The following TANC2 variants were observed in gnomAD, a reference collection of about 807,000 sequenced individuals.
TANC2 encodes protein TANC2.
TANC2 carries 26 observed loss-of-function variants against 210.5 expected under a neutral mutation model. The observed-to-expected ratio is 0.12, with a 90% CI of 0.09 to 0.17. The LOEUF (loss-of-function observed/expected upper bound fraction) is 0.17. Among genes scored for constraint, TANC2 ranks in the 10% least tolerant of loss-of-function variants. TANC2 has a pLI of 1.00. For synonymous variants in TANC2, 931 were observed against 967.1 expected, an observed-to-expected ratio of 0.96 and a Z score of 0.69; for missense variants, 2,129 against 2,608.9, an observed-to-expected ratio of 0.82 and a Z score of 4.01.
chr17:63,353,050 C>T (rs958291850), intron 13 of TANC2, among the ~76,000 whole-genome samples: 43 of 152,154 alleles, frequency 2.8e-4, no homozygotes, highest in African/African-American at 9.4e-4. Context: ...AAAGGCCTCT[C>T]GTTTAAAAGT....
At chr17:63,159,024 A>G (rs1017018856) in intron 5 of TANC2, among the ~76,000 whole-genome samples, 9 of 152,332 alleles carry the variant, frequency 5.9e-5, no homozygotes, top group Middle Eastern at 3.4e-3. Context: ...GCAGCACACA[A>G]CATGGCACCT....
At chr17:63,130,251 G>A (rs1329858342) in intron 4 of TANC2, among the ~76,000 whole-genome samples, 1 of 152,166 alleles carries the variant, frequency 6.6e-6, no homozygotes, top group Non-Finnish European at 1.5e-5. Flanking sequence ...GCTCACACCT[G>A]TAATCCCAGC....
chr17:62,999,242 A>G (rs1033672657), intron 1 of TANC2, among the ~76,000 whole-genome samples: 17 of 152,270 alleles, frequency 1.1e-4, no homozygotes, highest in African/African-American at 4.1e-4. Context: ...TGGCCACTTC[A>G]TGTGGCTGCT....
chr17:63,419,926 A>T (rs1024973118), intron 27 of TANC2, 73 bp from the exon 28 acceptor site: 3 of 1,455,610 alleles, frequency 2.1e-6, no homozygotes, highest in Non-Finnish European at 2.7e-6. Flanking sequence ...GATAGTGACC[A>T]TGTTCTCAGC....
intron 3 of TANC2, among the ~76,000 whole-genome samples, chr17:63,093,163 TCA>T (rs1417613768): frequency 6.6e-6 from 1 of 152,116 alleles, no homozygotes; most frequent in Admixed American, 6.5e-5. Context: ...TGACCCAAGG[TCA>T]CACAGATTTT....
At chr17:63,311,090 C>G (rs1567904109) in intron 9 of TANC2, among the ~76,000 whole-genome samples, 1 of 152,100 alleles carries the variant, frequency 6.6e-6, no homozygotes, top group Non-Finnish European at 1.5e-5. Context: ...TCTGTTTTAT[C>G]TATAAAATGA....
chr17:63,203,022 C>G (rs543125456), intron 7 of TANC2, among the ~76,000 whole-genome samples: 45 of 152,222 alleles, frequency 3.0e-4, no homozygotes, highest in Admixed American at 1.0e-3. Flanking sequence ...AACTCCTCTA[C>G]CATTTGTACA....
At chr17:63,416,715 G>C (rs193094505) in intron 26 of TANC2, among the ~76,000 whole-genome samples, 3 of 152,340 alleles carry the variant, frequency 2.0e-5, no homozygotes, top group Admixed American at 2.0e-4. Flanking sequence ...ACACAGCCAT[G>C]ACCTTCAGAG....
intron 1 of TANC2, among the ~76,000 whole-genome samples, chr17:62,981,402 C>T (rs1598182945): frequency 1.3e-5 from 2 of 152,202 alleles, no homozygotes; most frequent in East Asian, 3.9e-4. Context: ...TGTAATTCTT[C>T]CTCTTTTCTC....
intron 26 of TANC2, among the ~76,000 whole-genome samples, chr17:63,416,537 C>A (rs2048866447): frequency 6.6e-6 from 1 of 152,234 alleles, no homozygotes; most frequent in East Asian, 1.9e-4. Flanking sequence ...TGTGTGTAAC[C>A]TTTAGATCAT....
intron 2 of TANC2, among the ~76,000 whole-genome samples, chr17:63,027,356 G>A (rs898651696): frequency 1.3e-5 from 2 of 151,788 alleles, no homozygotes; most frequent in African/African-American, 4.8e-5. Context: ...CTTTAAAAAA[G>A]GGATTTAAAT....
intron 4 of TANC2, among the ~76,000 whole-genome samples, chr17:63,107,627 C>T (rs1490148628): frequency 2.6e-5 from 4 of 151,576 alleles, no homozygotes; most frequent in East Asian, 1.9e-4. Context: ...GTGATATATT[C>T]GTATTATTTG....
At chr17:63,329,025 T>C (rs1322936452) in intron 11 of TANC2, among the ~76,000 whole-genome samples, 2 of 152,188 alleles carry the variant, frequency 1.3e-5, no homozygotes, top group Non-Finnish European at 2.9e-5. Flanking sequence ...CATTTCGTCT[T>C]GTACTTGAAT....
chr17:63,361,789 A>C (rs1460077949), intron 14 of TANC2, among the ~76,000 whole-genome samples: 4 of 152,242 alleles, frequency 2.6e-5, no homozygotes, highest in Non-Finnish European at 5.9e-5. Flanking sequence ...ATGTTCATGG[A>C]CAACTGGAGA....
At chr17:63,029,213 G>T (rs2034670640) in intron 2 of TANC2, among the ~76,000 whole-genome samples, 1 of 151,964 alleles carries the variant, frequency 6.6e-6, no homozygotes, top group Non-Finnish European at 1.5e-5. Flanking sequence ...TGAAAATTTT[G>T]GGATTATTTC....
At chr17:63,038,621 C>A (rs1016528888) in intron 2 of TANC2, among the ~76,000 whole-genome samples, 3 of 151,898 alleles carry the variant, frequency 2.0e-5, no homozygotes, top group Non-Finnish European at 4.4e-5. Flanking sequence ...GTAGAATTCA[C>A]CTGTTTAGTT....
chr17:63,385,040 T>C (rs1357610751), intron 15 of TANC2, among the ~76,000 whole-genome samples: 1 of 152,194 alleles, frequency 6.6e-6, no homozygotes, highest in African/African-American at 2.4e-5. Flanking sequence ...AGGAGTTGTG[T>C]TCCCTCCTAA....
Position 63,420,430 on chromosome 17 carries a change from A to G in TANC2, c.4700A>G (p.Gln1567Arg). The G allele has an allele frequency of 1.9e-6, 3 of 1,613,946 alleles. No homozygotes were observed. The highest frequency in any genetic ancestry group is 2.5e-6 in the Non-Finnish European group (3 of 1,179,880). The change falls in exon 28 of 28, where the codon CAG (glutamine) becomes CGG (arginine). Residue 1567 changes from glutamine (Q) to arginine (R), a missense_variant. This residue lies in a region of TANC2 where 584 missense variants were observed against 627.3 expected (regional missense o/e 0.93). Coordinates refer to ENST00000689528, the Ensembl canonical transcript of TANC2. The surrounding 1 kb of genome is among the most constrained non-coding windows in gnomAD (Gnocchi z 4.2). ...GGCTCTCCCACTAGACAGACCTATC[A>G]GTCCACCTCACCTGCCCTTTCTCCA...
intron 8 of TANC2, among the ~76,000 whole-genome samples, chr17:63,251,229 GAGA>G (rs1374722263): frequency 1.3e-5 from 2 of 152,166 alleles, no homozygotes; most frequent in Non-Finnish European, 1.5e-5. Context: ...TGTGGTTGCT[GAGA>G]AGGAGAACCA....
Sources: allele counts gnomAD v4.1 joint callset (sites outside exome capture counted in the v4.1 genomes callset), GRCh38; gene constraint gnomAD v4.1.1; regional missense constraint gnomAD v4.1.1; non-coding constraint Gnocchi (gnomAD v3.1); transcripts MANE v1.5; gene names NCBI Gene and HGNC (gene_info 2026-07-23, HGNC 2026-07-21).